Variants in HLX observed in about 807,000 individuals in gnomAD.
HLX encodes H2.0-like homeobox protein.
In HLX, 6 loss-of-function variants were observed where a neutral mutation model predicts 27.7. The observed-to-expected ratio is 0.22, with a 90% confidence interval of 0.12 to 0.43. The LOEUF (loss-of-function observed/expected upper bound fraction) is 0.43, where lower values mean the gene tolerates loss of function less well. Among genes scored for constraint, HLX ranks in the 20% least tolerant of loss-of-function variants. The pLI, the probability that HLX is intolerant of heterozygous loss-of-function variation, is 1.00. For missense variants in HLX, 666 were observed against 655.2 expected (o/e 1.02, Z -0.18); for synonymous variants, 328 against 293.8 (o/e 1.12, Z -1.19).
chr1:220,879,817 T>C lies in HLX; in HGVS notation c.-41T>C. On this transcript the variant is annotated 5_prime_UTR_variant, in exon 1 of 4. Transcript: ENST00000366903. ...CCTCCCCGCGCGCCCACCCACCCAGTCCGGCTGGACTGCGGCAGCCGCGCG... is the reference window on the plus strand; with the variant it reads ...CCTCCCCGCGCGCCCACCCACCCAGCCCGGCTGGACTGCGGCAGCCGCGCG... 6.5e-7 allele frequency: 1 copy of C among 1,532,682 alleles called. No homozygotes were observed. The highest frequency in any genetic ancestry group is 1.2e-5 in the South Asian group (1 of 83,948). 94.9% of individuals were successfully genotyped at this position (1,532,682 alleles called of 1,614,324 possible).
In HLX at chr1:220,884,353, C is replaced by G. The variant is rs771489376; in HGVS notation, c.1116C>G (p.Gly372=). ...AGAGGAGCCCCAGCCGTTCTGAAGG[C>G]GAGGCTGAGAGCGAGAGCAGCGACT... ...QDERSPSRSE[G]EAESESSDSE... The change falls in exon 4 of 4, where the codon GGC becomes GGG. Residue 372 remains glycine, a synonymous_variant. Transcript: ENST00000366903. The surrounding 1 kb of genome is among the most constrained non-coding windows in gnomAD (Gnocchi z 4.9). The G allele has an allele frequency of 6.2e-7, 1 of 1,614,024 alleles. No individual in the cohort carries two copies. Among genetic ancestry groups the G allele is most frequent in the Non-Finnish European group, 8.5e-7 (1 of 1,180,020 alleles).
chr1:220,881,292 A>G lies in HLX; in HGVS notation c.691A>G (p.Asn231Asp). 1 of 1,614,104 alleles carries G rather than the reference A, an allele frequency of 6.2e-7. No homozygotes were observed. The highest frequency in any genetic ancestry group is 8.5e-7 in the Non-Finnish European group (1 of 1,179,930). Residue 231 changes from asparagine to aspartate, a missense_variant, in exon 2 of 4, where the codon AAC (asparagine) becomes GAC (aspartate). Physicochemically the swap from Asn to Asp is conservative, Grantham distance 23. Transcript: ENST00000366903. ...GTTCTTCGCATCTCTAGATCCCATT[A>G]ACGAGGCTTCTGCAATCCTGAGTCC... ...GQFFASLDPI[N>D]EASAILSPLN...
Position 220,880,265 on chromosome 1 carries a change from A to ACAGCCT in HLX, c.410_415dup (p.Gln137_Pro138dup). ...AGCAGCAGCAACAGCCGCAGCAGCA[A>ACAGCCT]CAGCCTCCGCCTCCGCCCCGGGCTG... On this transcript the variant is annotated inframe_insertion, in exon 1 of 4. Transcript: ENST00000366903. 3 of 1,613,370 alleles carry ACAGCCT rather than the reference A, an allele frequency of 1.9e-6. No homozygotes were observed. Among genetic ancestry groups the ACAGCCT allele is most frequent in the Non-Finnish European group, 1.7e-6 (2 of 1,179,572 alleles).
chr1:220,881,599 T>G, intron 2 of HLX: 3 of 578,120 alleles, frequency 5.2e-6, no homozygotes, highest in East Asian at 3.1e-5. Context: ...AGAAAGTGTG[T>G]GCGTGGACGG....
chr1:220,881,757 G>T, intron 2 of HLX: 1 of 367,664 alleles, frequency 2.7e-6, no homozygotes. Flanking sequence ...GACACATGCG[G>T]GAATAAACAC....
At chr1:220,880,966 CCTTTA>C in intron 1 of HLX, 1 of 568,682 alleles carries the variant, frequency 1.8e-6, no homozygotes, top group Admixed American at 3.3e-5. Flanking sequence ...TTATGTAAAG[CCTTTA>C]CTTACTATAT....
rs1008389216 is a variant in HLX at position 220,884,687 on chromosome 1, G to C, written c.1450G>C (p.Ala484Pro). 6.2e-7 allele frequency: 1 copy of C among 1,610,152 alleles called. No individual in the cohort carries two copies. Among genetic ancestry groups the C allele is most frequent in the Non-Finnish European group, 8.5e-7 (1 of 1,179,514 alleles). The change falls in exon 4 of 4, where the codon GCG (alanine) becomes CCG (proline). Residue 484 changes from alanine to proline, a missense_variant. By Grantham distance (27) the Ala-to-Pro change is conservative. Transcript: ENST00000366903. The surrounding 1 kb of genome is among the most constrained non-coding windows in gnomAD (Gnocchi z 4.9). ...APKSPEPAQG[A>P]LGCL ...CAAAAGCCCCGAGCCAGCCCAAGGC[G>C]CGCTTGGCTGCTTATAGACTGTACT...
At chr1:220,882,812 T>TTGTGAGGAAG (rs1674487939) in intron 3 of HLX, 1 of 176,352 alleles carries the variant, frequency 5.7e-6, no homozygotes, top group Non-Finnish European at 1.2e-5. Context: ...AAATCCCCAG[T>TTGTGAGGAAG]TGTGAGGAAG....
Position 220,879,683 on chromosome 1 carries a change from C to T in HLX, c.-175C>T. On this transcript the variant is annotated 5_prime_UTR_variant, in exon 1 of 4. Coordinates refer to ENST00000366903, the MANE Select transcript of HLX (RefSeq NM_021958.4). ...TGACCGGCCGAGATCCGGCCCTCGC[C>T]TCCTCCCTCGGTGGCGCTAGGGCTC... 2.8e-6 allele frequency: 3 copies of T among 1,056,418 alleles called. No homozygotes were observed. The highest frequency in any genetic ancestry group is 3.9e-6 in the Non-Finnish European group (3 of 778,928). The allele number at this position is 1,056,418 out of a possible 1,614,324, so 65.4% of individuals were successfully genotyped here. A position where few individuals can be genotyped will look rare whatever the true frequency, so the allele number is the denominator to read the frequency against.
At chr1:220,880,490 C>G in intron 1 of HLX, 41 bp downstream of exon 1, 1 of 1,609,286 alleles carries the variant, frequency 6.2e-7, no homozygotes, top group South Asian at 1.1e-5. Flanking sequence ...TGACCACTGA[C>G]CCACTCCCCG....
Position 220,879,555 on chromosome 1 carries a change from C to A in HLX, c.-303C>A, listed in dbSNP as rs1674376719. On this transcript the variant is annotated 5_prime_UTR_variant, in exon 1 of 4. Coordinates refer to ENST00000366903, the MANE Select transcript of HLX (RefSeq NM_021958.4). ...CGGTGTCCGGCTCCCGTCTCCCTGG[C>A]TCCCCCGCCCGCCCTGCGGCCCCAG... 4 of 465,738 alleles carry A rather than the reference C, an allele frequency of 8.6e-6. No individual in the cohort carries two copies. The East Asian group carries it at 1.5e-4, about 18-fold the overall frequency. The allele number at this position is 465,738 out of a possible 1,614,324, so 28.9% of individuals were successfully genotyped here. A position where few individuals can be genotyped will look rare whatever the true frequency, so the allele number is the denominator to read the frequency against.
chr1:220,880,695 G>T (rs1158118970), intron 1 of HLX: 5 of 586,444 alleles, frequency 8.5e-6, no homozygotes, highest in Non-Finnish European at 1.5e-5. Flanking sequence ...ATTTATAAAA[G>T]TGGTTGGTGT....
chr1:220,884,795 A>G lies in HLX; in HGVS notation c.*91A>G. On this transcript the variant is annotated 3_prime_UTR_variant, in exon 4 of 4. Transcript: ENST00000366903. The surrounding 1 kb of genome is among the most constrained non-coding windows in gnomAD (Gnocchi z 4.9). ...GCTTACTGTATGTTGGCGACTTGGT[A>G]GGGCAGGAGACGCAGCGTGGAGCCT... The G allele has an allele frequency of 2.0e-6, 3 of 1,535,252 alleles. No homozygotes were observed. The highest frequency in any genetic ancestry group is 2.6e-6 in the Non-Finnish European group (3 of 1,146,696).
chr1:220,880,640 A>G, intron 1 of HLX, 191 bp downstream of exon 1: 1 of 627,832 alleles, frequency 1.6e-6, no homozygotes, highest in Non-Finnish European at 2.8e-6. Context: ...AAAACAAACA[A>G]AAAATGACTC....
chr1:220,882,010 G>C, intron 2 of HLX, 154 bp from the exon 3 acceptor site: 1 of 739,552 alleles, frequency 1.4e-6, no homozygotes, highest in East Asian at 2.7e-5. Context: ...GGGCCATTCG[G>C]TGTATGTGCG....
chr1:220,882,509 A>G, intron 3 of HLX, 161 bp downstream of exon 3: 1 of 647,254 alleles, frequency 1.5e-6, no homozygotes, highest in Middle Eastern at 4.2e-4. Flanking sequence ...TTGAGGCAGG[A>G]GAAGAGGAGG....
Position 220,880,056 on chromosome 1 carries a change from G to C in HLX, c.199G>C (p.Ala67Pro). Residue 67 changes from alanine (A) to proline (P), a missense_variant, in exon 1 of 4, where the codon GCC (alanine) becomes CCC (proline). Ala to Pro is a conservative substitution (Grantham distance 27). Coordinates refer to ENST00000366903, the MANE Select transcript of HLX (RefSeq NM_021958.4). ...LGAAPEGLAG[A>P]SAAALTAHLG... ...GGCGGCCCCGGAGGGCCTGGCAGGG[G>C]CCTCGGCCGCCGCCCTCACCGCGCA... 6.3e-7 allele frequency: 1 copy of C among 1,587,618 alleles called. No individual in the cohort carries two copies. Among genetic ancestry groups the C allele is most frequent in the Non-Finnish European group, 8.5e-7 (1 of 1,171,978 alleles).
chr1:220,883,721 TA>T (rs1457908829), intron 3 of HLX: 1 of 167,788 alleles, frequency 6.0e-6, no homozygotes, highest in Non-Finnish European at 1.3e-5. Flanking sequence ...AGGGCCAACT[TA>T]GAGCAGGAAT....
At position 220,884,017 on chromosome 1, in the gene HLX, C is replaced by G. The variant is rs1674513767; in HGVS notation, c.958-178C>G. The G allele has an allele frequency of 6.1e-6, 4 of 656,850 alleles. No homozygotes were observed. Among genetic ancestry groups the G allele is most frequent in the Non-Finnish European group, 8.0e-6 (3 of 374,896 alleles). 40.7% of individuals were successfully genotyped at this position (656,850 alleles called of 1,614,324 possible). Reference sequence around the variant, plus strand: ...CCAGGATTCCTGGCTTCTTGTGTTCCCCTGGGCTGCCCCTTGGCTCCTGCG... The same window carrying G: ...CCAGGATTCCTGGCTTCTTGTGTTCGCCTGGGCTGCCCCTTGGCTCCTGCG... On this transcript the variant is annotated intron_variant, in intron 3 of 3. Coordinates refer to ENST00000366903, the MANE Select transcript of HLX (RefSeq NM_021958.4). This position sits in a 1 kb window ranked among gnomAD's most constrained non-coding sequence, Gnocchi z 4.9.
Sources: allele counts gnomAD v4.1 joint callset, GRCh38; gene constraint gnomAD v4.1.1; non-coding constraint Gnocchi (gnomAD v3.1); transcripts MANE v1.5; gene names NCBI Gene and HGNC (gene_info 2026-07-23, HGNC 2026-07-21).